The following MBD5 variants were observed in gnomAD, a reference collection of about 807,000 sequenced individuals.
MBD5 encodes methyl-CpG-binding domain protein 5.
A neutral mutation model predicts 117.3 loss-of-function variants in MBD5; 13 were observed. The ratio of observed to expected loss-of-function variants is 0.11; its 90% CI spans 0.07 to 0.18. The LOEUF is 0.18. MBD5 is among the 10% of genes least tolerant of loss of function. The pLI is 1.00. For synonymous variants in MBD5, 727 were observed against 766.4 expected, an observed-to-expected ratio of 0.95 and a Z score of 0.85; for missense variants, 1,879 against 2,093.8, an observed-to-expected ratio of 0.90 and a Z score of 2.00.
chr2:148,225,570 G>A (rs574364576), intron 2 of MBD5, among the ~76,000 whole-genome samples: 3 of 152,216 alleles, frequency 2.0e-5, no homozygotes, highest in African/African-American at 7.2e-5. Flanking sequence ...ACTTTCAGAT[G>A]ATTTGTTGCT....
In MBD5 at chr2:148,512,991, A is replaced by C; in HGVS notation, c.*50A>C. The C allele has an allele frequency of 6.7e-7, 1 of 1,503,032 alleles. No homozygotes were observed. The highest frequency in any genetic ancestry group is 9.3e-7 in the Non-Finnish European group (1 of 1,079,362). The allele number at this position is 1,503,032 out of a possible 1,614,324, so 93.1% of individuals were successfully genotyped here. A position where few individuals can be genotyped will look rare whatever the true frequency, so the allele number is the denominator to read the frequency against. On this transcript the variant is annotated 3_prime_UTR_variant, in exon 14 of 14. Transcript: ENST00000642680. ...GTGTTTATTAAAGGAACATGCACAG[A>C]TGTATCTGTATATAGGTATTGATAT...
intron 3 of MBD5, among the ~76,000 whole-genome samples, chr2:148,304,414 T>G (rs1454403564): frequency 1.4e-5 from 2 of 147,180 alleles, no homozygotes; most frequent in Non-Finnish European, 3.0e-5. Flanking sequence ...CTTCTCAATA[T>G]AAAAAAAAAA....
chr2:148,323,524 T>TAATGATC (rs1170862560), intron 3 of MBD5, among the ~76,000 whole-genome samples: 3 of 152,146 alleles, frequency 2.0e-5, no homozygotes, highest in Non-Finnish European at 1.5e-5. Flanking sequence ...CCTGACTTTT[T>TAATGATC]AATGATCGCC....
At chr2:148,027,859 T>A (rs1335838874) in intron 1 of MBD5, 1 of 152,144 alleles carries the variant, frequency 6.6e-6, no homozygotes, top group East Asian at 1.9e-4. Flanking sequence ...TTGCAAATGT[T>A]TTGTTGCTTA....
At chr2:148,198,943 T>C (rs994281283) in intron 2 of MBD5, among the ~76,000 whole-genome samples, 3 of 151,816 alleles carry the variant, frequency 2.0e-5, no homozygotes, top group Admixed American at 6.6e-5. Flanking sequence ...TATGTGTATA[T>C]GTATGTATGT....
At chr2:148,348,672 AT>A (rs1703180448) in intron 4 of MBD5, among the ~76,000 whole-genome samples, 1 of 152,042 alleles carries the variant, frequency 6.6e-6, no homozygotes, top group Non-Finnish European at 1.5e-5. Context: ...AGTAGATTCA[AT>A]TGTTTTTATT....
intron 3 of MBD5, among the ~76,000 whole-genome samples, chr2:148,246,184 A>T (rs1361218264): frequency 2.0e-5 from 3 of 152,216 alleles, no homozygotes; most frequent in African/African-American, 7.2e-5. Context: ...ATAAAGGAAT[A>T]TACTCTAAAA....
At chr2:148,296,658 A>C (rs2106457670) in intron 3 of MBD5, 1 of 161,872 alleles carries the variant, frequency 6.2e-6, no homozygotes, top group Non-Finnish European at 1.4e-5. Context: ...CTCGTGGTCC[A>C]GATGGAGGCA....
chr2:148,264,760 T>C (rs1700816199), intron 3 of MBD5: 1 of 152,180 alleles, frequency 6.6e-6, no homozygotes, highest in South Asian at 2.1e-4. Flanking sequence ...GCTGATACAG[T>C]TTCCACTGGA....
chr2:148,156,932 A>G (rs1697890403), intron 1 of MBD5, among the ~76,000 whole-genome samples: 1 of 152,192 alleles, frequency 6.6e-6, no homozygotes. Context: ...CCTCTTCCAT[A>G]GCTAGCACAG....
chr2:148,485,905 C>T lies in MBD5; in HGVS notation c.3708C>T (p.Cys1236=). ...QAFQGQSTIP[C]PANNNPMACL... is the part of the protein sequence containing the mutation. Reference sequence around the variant, plus strand: ...TCCAAGGACAGTCCACAATTCCTTGCCCAGCTAACAATAACCCCATGGCTT... The same window carrying T: ...TCCAAGGACAGTCCACAATTCCTTGTCCAGCTAACAATAACCCCATGGCTT... The change falls in exon 10 of 14, where the codon TGC becomes TGT. Residue 1236 remains cysteine (C), a synonymous_variant. Coordinates refer to ENST00000642680, the MANE Select transcript of MBD5 (RefSeq NM_001378120.1). The T allele has an allele frequency of 6.2e-7, 1 of 1,614,078 alleles. No homozygotes were observed. Among genetic ancestry groups the T allele is most frequent in the Non-Finnish European group, 8.5e-7 (1 of 1,179,968 alleles).
intron 3 of MBD5, among the ~76,000 whole-genome samples, chr2:148,251,995 C>T (rs1700476554): frequency 6.6e-6 from 1 of 152,124 alleles, no homozygotes; most frequent in South Asian, 2.1e-4. Context: ...TGTTTTCCCG[C>T]ACCTCACTCC....
At chr2:148,264,888 C>G (rs1700819447) in intron 3 of MBD5, 1 of 152,132 alleles carries the variant, frequency 6.6e-6, no homozygotes, top group Admixed American at 6.6e-5. Flanking sequence ...AATTCAAAGT[C>G]CTGGGTGGGA....
chr2:148,312,238 G>A (rs1357691630), intron 3 of MBD5, among the ~76,000 whole-genome samples: 1 of 152,166 alleles, frequency 6.6e-6, no homozygotes, highest in African/African-American at 2.4e-5. Flanking sequence ...ATATCCTGAG[G>A]AGTGTTTTCC....
At chr2:148,438,217 G>A (rs1706211555) in intron 4 of MBD5, among the ~76,000 whole-genome samples, 1 of 152,178 alleles carries the variant, frequency 6.6e-6, no homozygotes. Context: ...ATACACAACT[G>A]AGAATTTGGC....
At chr2:148,117,701 CATT>C (rs1424130976) in intron 1 of MBD5, among the ~76,000 whole-genome samples, 1 of 152,100 alleles carries the variant, frequency 6.6e-6, no homozygotes, top group Admixed American at 6.6e-5. Flanking sequence ...TCAAAATTAT[CATT>C]ATTATGTTTA....
chr2:148,280,131 C>A (rs867409576), intron 3 of MBD5, among the ~76,000 whole-genome samples: 467 of 91,622 alleles, frequency 5.1e-3, no homozygotes, highest in Middle Eastern at 8.9e-3. Flanking sequence ...AAACTAACTG[C>A]AAAAAAAAAA....
rs749135403 is a variant in MBD5 at position 148,084,139 on chromosome 2, T to C, written c.-925+62455T>C. On this transcript the variant is annotated intron_variant, in intron 1 of 13. Coordinates refer to ENST00000642680, the MANE Select transcript of MBD5 (RefSeq NM_001378120.1). Reference sequence around the variant, plus strand: ...CATGGTAGAACACAGATCTGTGTAGTACTTATTGCATTTAAAGTCAAATAC... The same window carrying C: ...CATGGTAGAACACAGATCTGTGTAGCACTTATTGCATTTAAAGTCAAATAC... 5.9e-5 allele frequency among the ~76,000 whole-genome samples: 9 copies of C among 152,312 alleles called. No individual in the cohort carries two copies. In the South Asian group the frequency reaches 1.7e-3, roughly 28 times the overall value.
intron 3 of MBD5, among the ~76,000 whole-genome samples, chr2:148,302,562 A>G (rs1032893716): frequency 6.6e-6 from 1 of 152,230 alleles, no homozygotes; most frequent in African/African-American, 2.4e-5. Context: ...AATTACATAT[A>G]GATGTGGGAC....
Sources: allele counts gnomAD v4.1 joint callset (sites outside exome capture counted in the v4.1 genomes callset), GRCh38; gene constraint gnomAD v4.1.1; transcripts MANE v1.5; gene names NCBI Gene and HGNC (gene_info 2026-07-23, HGNC 2026-07-21).